The following CSMD3 variants were observed in gnomAD, a reference collection of about 807,000 sequenced individuals.
CSMD3 encodes CUB and Sushi multiple domains 3, also known as CUB and sushi domain-containing protein 3.
Under a neutral mutation model 435.2 loss-of-function variants are expected in CSMD3, and 177 were observed. The ratio of observed to expected loss-of-function variants is 0.41; its 90% CI spans 0.36 to 0.46. The LOEUF is 0.46. Among genes scored for constraint, CSMD3 ranks in the 20% least tolerant of loss-of-function variants. The probability of loss-of-function intolerance (pLI) is 0.34; values close to 1 mark genes in which losing one functional copy is unlikely to be tolerated. For missense variants in CSMD3, 4,265 were observed against 4,504.6 expected (o/e 0.95, Z 1.52); for synonymous variants, 1,656 against 1,520.5 (o/e 1.09, Z -2.07).
At chr8:112,790,229 T>C (rs536119400) in intron 13 of CSMD3, among the ~76,000 whole-genome samples, 36 of 152,072 alleles carry the variant, frequency 2.4e-4, no homozygotes, top group African/African-American at 6.3e-4. Context: ...ACTATACAAA[T>C]ATATGGTGAA....
chr8:112,505,801 C>T (rs769160033), intron 29 of CSMD3, among the ~76,000 whole-genome samples: 1 of 151,964 alleles, frequency 6.6e-6, no homozygotes, highest in African/African-American at 2.4e-5. Context: ...AGAGATTATG[C>T]TTTTCATTTT....
At chr8:112,721,626 A>C (rs2076860638) in intron 13 of CSMD3, among the ~76,000 whole-genome samples, 1 of 152,190 alleles carries the variant, frequency 6.6e-6, no homozygotes, top group South Asian at 2.1e-4. Flanking sequence ...TTTTTGATCT[A>C]CTAAAGATAC....
At chr8:112,664,791 T>A (rs1440505462) in intron 17 of CSMD3, among the ~76,000 whole-genome samples, 1 of 152,110 alleles carries the variant, frequency 6.6e-6, no homozygotes, top group East Asian at 1.9e-4. Flanking sequence ...AAGACAGCCA[T>A]CTACAAGGCA....
At chr8:112,871,378 A>G (rs1453483329) in intron 10 of CSMD3, among the ~76,000 whole-genome samples, 6 of 152,218 alleles carry the variant, frequency 3.9e-5, no homozygotes, top group Admixed American at 6.5e-5. Flanking sequence ...TAACCTAGGA[A>G]GAAAGAAAAT....
At position 112,685,512 on chromosome 8, in the gene CSMD3, A is replaced by G; in HGVS notation, c.2376T>C (p.Thr792=). The G allele has an allele frequency of 6.2e-7, 1 of 1,614,050 alleles. No homozygotes were observed. Among genetic ancestry groups the G allele is most frequent in the South Asian group, 1.1e-5 (1 of 91,084 alleles). Residue 792 remains threonine, a synonymous_variant, in exon 15 of 71, where the codon ACT becomes ACC. Transcript: ENST00000297405. ...SPESPILGTF[T]GAEVPSHLTS... ...TAAGATGGGAAGGCACCTCAGCCCC[A>G]GTAAAGGTTCCAAGAATTGGGGATT...
At chr8:112,833,281 C>A (rs1400864538) in intron 11 of CSMD3, among the ~76,000 whole-genome samples, 1 of 152,038 alleles carries the variant, frequency 6.6e-6, no homozygotes, top group Non-Finnish European at 1.5e-5. Flanking sequence ...TCCCTACACA[C>A]AAGCCTGACT....
At chr8:112,513,444 A>G (rs1823337870) in intron 28 of CSMD3, among the ~76,000 whole-genome samples, 1 of 152,222 alleles carries the variant, frequency 6.6e-6, no homozygotes, top group East Asian at 1.9e-4. Flanking sequence ...CACTCAAAAC[A>G]CATATTTATT....
At chr8:112,969,667 A>G (rs968111424) in intron 7 of CSMD3, among the ~76,000 whole-genome samples, 2 of 152,148 alleles carry the variant, frequency 1.3e-5, no homozygotes, top group African/African-American at 4.8e-5. Flanking sequence ...CCAATAAAAA[A>G]TAATAATTAT....
chr8:112,925,855 T>C (rs1482851069), intron 9 of CSMD3, among the ~76,000 whole-genome samples: 2 of 152,228 alleles, frequency 1.3e-5, no homozygotes, highest in Non-Finnish European at 2.9e-5. Flanking sequence ...TGCTCCTGTT[T>C]ATGCTGCAGG....
intron 6 of CSMD3, among the ~76,000 whole-genome samples, chr8:112,985,005 TA>T (rs1056002001): frequency 2.2e-4 from 33 of 151,458 alleles, no homozygotes; most frequent in African/African-American, 8.0e-4. Flanking sequence ...GATAGATAGA[TA>T]GATAGATAGA....
At position 112,638,775 on chromosome 8, in the gene CSMD3, G is replaced by T. The variant is rs2074735831; in HGVS notation, c.3447C>A (p.Leu1149=). ...GCAATTGAGCCCTGAAATTTCCATA[G>T]AGACCAGCATTGATTGTTGGAGGAA... ...SDLPPTINAG[L]YGNFRAQLRF... The change falls in exon 21 of 71, where the codon CTC becomes CTA. Residue 1149 remains leucine, a synonymous_variant. Coordinates refer to ENST00000297405, the MANE Select transcript of CSMD3 (RefSeq NM_198123.2). 3 of 1,612,388 alleles carry T rather than the reference G, an allele frequency of 1.9e-6. No homozygotes were observed. The highest frequency in any genetic ancestry group is 2.5e-6 in the Non-Finnish European group (3 of 1,178,772).
chr8:112,289,367 G>T lies in CSMD3; in HGVS notation c.9146C>A (p.Ser3049Ter). Residue 3049 changes from serine (S) to a stop codon, truncating the protein, a stop_gained and splice_region_variant, in exon 57 of 71, where the codon TCA becomes TAA. Coordinates refer to ENST00000297405, the MANE Select transcript of CSMD3 (RefSeq NM_198123.2). LOFTEE classifies it high-confidence loss of function. Reference protein sequence around the residue: ...GHWSGSQPHCSGDATGTCGDP... With the variant: ...GHWSGSQPHC ...TTGTCCAATTTTCCAAGTGGTACCT[G>T]AACAATGAGGTTGTGATCCACTCCA... is the stretch of plus-strand genomic sequence containing the variant. 1 of 1,612,752 alleles carries T rather than the reference G, an allele frequency of 6.2e-7. No homozygotes were observed. Among genetic ancestry groups the T allele is most frequent in the South Asian group, 1.1e-5 (1 of 91,052 alleles).
intron 61 of CSMD3, among the ~76,000 whole-genome samples, chr8:112,256,760 A>G (rs988988695): frequency 6.6e-6 from 1 of 152,220 alleles, no homozygotes; most frequent in Non-Finnish European, 1.5e-5. Flanking sequence ...CTGAAAGCTT[A>G]CTTCCCTCTG....
At chr8:112,506,648 CAA>C (rs1219946533) in intron 29 of CSMD3, 41 bp downstream of exon 29, 6 of 1,598,978 alleles carry the variant, frequency 3.8e-6, no homozygotes, top group East Asian at 2.2e-5. Context: ...AATGGCCTAA[CAA>C]TATATTTTTT....
Position 113,420,019 on chromosome 8 carries a change from G to A in CSMD3, c.178+16658C>T, listed in dbSNP as rs201623569. ...TAATTTGAAACTAACAAAAGCAGTA[G>A]TGATTAAGAAGTAAAGTATAAATTG... On this transcript the variant is annotated intron_variant, in intron 1 of 70. Transcript: ENST00000297405. Among the ~76,000 whole-genome samples, 12 of 152,144 alleles carry A rather than the reference G, an allele frequency of 7.9e-5. No individual in the cohort carries two copies. The East Asian group carries it at 1.9e-3, about 24-fold the overall frequency.
chr8:112,445,000 T>C (rs977571820), intron 32 of CSMD3, among the ~76,000 whole-genome samples: 2 of 152,160 alleles, frequency 1.3e-5, no homozygotes, highest in Non-Finnish European at 2.9e-5. Flanking sequence ...CCTAGCACTT[T>C]GGGAGGCCGA....
At chr8:112,592,510 T>C (rs2131373868) in intron 22 of CSMD3, among the ~76,000 whole-genome samples, 1 of 152,182 alleles carries the variant, frequency 6.6e-6, no homozygotes. Flanking sequence ...TAAACATTTG[T>C]TTTTAATGCA....
At chr8:113,018,949 T>G in intron 6 of CSMD3, 118 bp downstream of exon 6, 2 of 748,706 alleles carry the variant, frequency 2.7e-6, no homozygotes, top group Non-Finnish European at 4.8e-6. Flanking sequence ...ATGACCATTT[T>G]TTTCAATACA....
intron 16 of CSMD3, among the ~76,000 whole-genome samples, chr8:112,676,898 G>A (rs2075781620): frequency 6.6e-6 from 1 of 152,030 alleles, no homozygotes; most frequent in Non-Finnish European, 1.5e-5. Flanking sequence ...CTTATTACTG[G>A]CAAATTCAGA....
Sources: gnomAD v4.1 joint callset for allele counts (sites outside exome capture counted in the v4.1 genomes callset) on GRCh38, gnomAD v4.1.1 for gene constraint, MANE v1.5 for transcripts, NCBI Gene and HGNC (gene_info 2026-07-23, HGNC 2026-07-21) for gene names.